RMST: variants seen among roughly 807,000 people sequenced by gnomAD.
RMST encodes the protein long intergenic non-protein coding RNA 54.
chr12:97,514,693 CAAAT>C (rs909475349), intron 10 of RMST, among the ~76,000 whole-genome samples: 7 of 150,956 alleles, frequency 4.6e-5, no homozygotes, highest in African/African-American at 1.7e-4. Flanking sequence ...AGCAAAGTGA[CAAAT>C]ACCATTTTCA....
At chr12:97,489,087 T>C (rs148511869) in intron 5 of RMST, among the ~76,000 whole-genome samples, 3 of 152,334 alleles carry the variant, frequency 2.0e-5, no homozygotes, top group African/African-American at 7.2e-5. Flanking sequence ...GAAATATGAA[T>C]TATGATATAA....
chr12:97,468,028 G>C (rs1873402802), intron 5 of RMST, among the ~76,000 whole-genome samples: 1 of 152,042 alleles, frequency 6.6e-6, no homozygotes, highest in East Asian at 1.9e-4. Flanking sequence ...TTATTATAAA[G>C]AATGCACTGC....
At chr12:97,463,657 T>C (rs763098269) in intron 4 of RMST, among the ~76,000 whole-genome samples, 1 of 152,214 alleles carries the variant, frequency 6.6e-6, no homozygotes, top group Non-Finnish European at 1.5e-5. Flanking sequence ...TAATTATTTT[T>C]ACACTCAACT....
intron 11 of RMST, among the ~76,000 whole-genome samples, chr12:97,540,963 G>GATATAGATATAT (rs1295226960): frequency 6.6e-6 from 1 of 150,602 alleles, no homozygotes; most frequent in Non-Finnish European, 1.5e-5. Context: ...TATAGATATA[G>GATATAGATATAT]ATATAGATAT....
At chr12:97,505,666 G>T (rs1038858226) in intron 10 of RMST, among the ~76,000 whole-genome samples, 1 of 152,188 alleles carries the variant, frequency 6.6e-6, no homozygotes, top group Non-Finnish European at 1.5e-5. Context: ...TGGTACACAG[G>T]TGGCTTCTGT....
chr12:97,553,888 T>C (rs1233547034), intron 11 of RMST, among the ~76,000 whole-genome samples: 1 of 151,792 alleles, frequency 6.6e-6, no homozygotes. Context: ...TGAGATGATA[T>C]ATTTGCATAG....
At chr12:97,473,029 T>C (rs1470160291) in intron 5 of RMST, among the ~76,000 whole-genome samples, 1 of 152,112 alleles carries the variant, frequency 6.6e-6, no homozygotes, top group Non-Finnish European at 1.5e-5. Flanking sequence ...GAAGAACTAA[T>C]TGAATAATAT....
At chr12:97,493,690 A>T (rs1877105812) in intron 7 of RMST, among the ~76,000 whole-genome samples, 1 of 152,226 alleles carries the variant, frequency 6.6e-6, no homozygotes. Context: ...ACATAATCAC[A>T]ATCACACTTA....
intron 5 of RMST, among the ~76,000 whole-genome samples, chr12:97,486,660 C>A (rs1876150523): frequency 6.6e-6 from 1 of 152,056 alleles, no homozygotes; most frequent in Admixed American, 6.6e-5. Flanking sequence ...TTATTTCTGA[C>A]ATGTTGAGTG....
chr12:97,564,099 G>C (rs1401701235), intron 13 of RMST: 1 of 316,130 alleles, frequency 3.2e-6, no homozygotes, highest in African/African-American at 2.2e-5. Flanking sequence ...ATGCACATTT[G>C]GGTTTGCACA....
intron 5 of RMST, among the ~76,000 whole-genome samples, chr12:97,480,397 G>A (rs115717489): frequency 6.0e-4 from 91 of 152,216 alleles, no homozygotes; most frequent in Admixed American, 1.5e-3. Context: ...TAAACGTTTC[G>A]TGAATCCATC....
At chr12:97,538,165 A>G (rs537153501) in intron 11 of RMST, among the ~76,000 whole-genome samples, 90 of 151,450 alleles carry the variant, frequency 5.9e-4, no homozygotes, top group African/African-American at 2.1e-3. Flanking sequence ...AATAATAATA[A>G]AGGTTTGATC....
chr12:97,493,536 C>T (rs1877083531), intron 7 of RMST, among the ~76,000 whole-genome samples: 1 of 152,228 alleles, frequency 6.6e-6, no homozygotes, highest in African/African-American at 2.4e-5. Context: ...AAAATGGACT[C>T]CTTGACTGAC....
chr12:97,499,646 CTTTTTTCTTTCTTTTTTTTT>C (rs974221746), intron 10 of RMST, among the ~76,000 whole-genome samples: 3 of 139,988 alleles, frequency 2.1e-5, no homozygotes, highest in Admixed American at 7.2e-5. Context: ...TTTTCTTTTT[CTTTTTTCTTTCTTTTTTTTT>C]TTTTTTTGAG....
intron 10 of RMST, among the ~76,000 whole-genome samples, chr12:97,519,786 C>A (rs1194122802): frequency 6.6e-6 from 1 of 152,070 alleles, no homozygotes; most frequent in African/African-American, 2.4e-5. Flanking sequence ...GTTATAGAAC[C>A]AGCTTATATA....
At chr12:97,499,347 A>AT (rs1334923005) in intron 10 of RMST, among the ~76,000 whole-genome samples, 12 of 151,338 alleles carry the variant, frequency 7.9e-5, no homozygotes, top group Non-Finnish European at 1.6e-4. Flanking sequence ...ATATCCGACT[A>AT]TTTTTCTGAG....
intron 5 of RMST, among the ~76,000 whole-genome samples, chr12:97,466,915 T>C (rs1873258038): frequency 6.6e-6 from 1 of 152,084 alleles, no homozygotes; most frequent in South Asian, 2.1e-4. Context: ...TTGCGCCTAC[T>C]TTAATTTGAC....
chr12:97,504,209 G>T (rs958056308), intron 10 of RMST, among the ~76,000 whole-genome samples: 6 of 152,104 alleles, frequency 3.9e-5, no homozygotes, highest in Non-Finnish European at 8.8e-5. Flanking sequence ...TTGGAGACCA[G>T]CCTGGCCAAC....
chr12:97,466,773 G>T (rs1407527084), intron 5 of RMST, among the ~76,000 whole-genome samples: 1 of 151,992 alleles, frequency 6.6e-6, no homozygotes, highest in African/African-American at 2.4e-5. Context: ...AATAATGTTG[G>T]CTGGTAATTG....
Sources: gnomAD v4.1 joint callset for allele counts (sites outside exome capture counted in the v4.1 genomes callset) on GRCh38, gnomAD v4.1.1 for gene constraint, MANE v1.5 for transcripts, NCBI Gene and HGNC (gene_info 2026-07-23, HGNC 2026-07-21) for gene names.